The following MMP7 variants were observed in gnomAD, a reference collection of about 807,000 sequenced individuals.
The protein encoded by MMP7 is matrix metallopeptidase 7.
In MMP7, 26 loss-of-function variants were observed where a neutral mutation model predicts 31.5. The ratio of observed to expected loss-of-function variants is 0.83; its 90% CI spans 0.61 to 1.15. The LOEUF is 1.15. MMP7 is among the 50% of genes most tolerant of loss of function. MMP7 has a pLI of 0.00. For missense variants in MMP7, 367 were observed against 326.5 expected, an observed-to-expected ratio of 1.12 and a Z score of -0.96; for synonymous variants, 142 against 124.2, an observed-to-expected ratio of 1.14 and a Z score of -0.95.
intron 1 of MMP7, among the ~76,000 whole-genome samples, chr11:102,528,489 AAT>A (rs1858698684): frequency 6.6e-6 from 1 of 152,238 alleles, no homozygotes; most frequent in Non-Finnish European, 1.5e-5. Flanking sequence ...AGTTCAATTT[AAT>A]AATCCGGTGA....
chr11:102,523,219 A>G (rs765402448), intron 5 of MMP7, 21 bp downstream of exon 5: 1 of 1,551,718 alleles, frequency 6.4e-7, no homozygotes, highest in Non-Finnish European at 8.8e-7. Context: ...AAATCCTCTT[A>G]TTTGAAATAA....
At chr11:102,527,699 T>G in intron 2 of MMP7, 27 bp from the exon 3 acceptor site, 1 of 1,606,326 alleles carries the variant, frequency 6.2e-7, no homozygotes, top group Non-Finnish European at 8.5e-7. Context: ...AAACAATGTT[T>G]GACCCCTAGG....
chr11:102,528,820 C>T (rs1301447685), intron 1 of MMP7, among the ~76,000 whole-genome samples: 1 of 152,006 alleles, frequency 6.6e-6, no homozygotes, highest in Non-Finnish European at 1.5e-5. Context: ...AATGAACTAA[C>T]AACAATAGCA....
At chr11:102,524,716 A>G (rs1328404410) in intron 4 of MMP7, 1 of 331,832 alleles carries the variant, frequency 3.0e-6, no homozygotes, top group East Asian at 5.5e-5. Flanking sequence ...ACGTACAGCA[A>G]ATTGGATCAG....
intron 1 of MMP7, among the ~76,000 whole-genome samples, chr11:102,529,459 C>T (rs17880676): frequency 9.7e-4 from 148 of 152,248 alleles, no homozygotes; most frequent in African/African-American, 3.5e-3. Flanking sequence ...TTCTGCCAAC[C>T]TTCACTCTAA....
chr11:102,521,358 C>T (rs574617027), intron 5 of MMP7, among the ~76,000 whole-genome samples: 2 of 152,144 alleles, frequency 1.3e-5, no homozygotes, highest in East Asian at 1.9e-4. Flanking sequence ...CCTTCACGCC[C>T]GGCTAATTTT....
chr11:102,520,604 C>A lies in MMP7; in HGVS notation c.*172G>T, dbSNP rs1487119770. The A allele has an allele frequency of 3.2e-5, 18 of 555,726 alleles. No homozygotes were observed. The allele number at this position is 555,726 out of a possible 1,614,324, so 34.4% of individuals were successfully genotyped here. Reference sequence around the variant, plus strand: ...TATAGATGAATAAGACACAGTCACACCATAAAGGAGTTTATCCTTAAAAGG... The same window carrying A: ...TATAGATGAATAAGACACAGTCACAACATAAAGGAGTTTATCCTTAAAAGG... On this transcript the variant is annotated 3_prime_UTR_variant, in exon 6 of 6. Transcript: ENST00000260227.
chr11:102,524,996 C>T lies in MMP7; in HGVS notation c.553G>A (p.Gly185Ser). 1 of 1,614,058 alleles carries T rather than the reference C, an allele frequency of 6.2e-7. No homozygotes were observed. The highest frequency in any genetic ancestry group is 2.2e-5 in the East Asian group (1 of 44,872). ...TCGAAGTGAGCATCTCCTCCGAGAC[C>T]TGTCCCAGGCGCAAAGGCATGAGCC... is the stretch of plus-strand genomic sequence containing the variant. ...TLAHAFAPGT[G>S]LGGDAHFDED... Residue 185 changes from glycine (G) to serine (S), a missense_variant, in exon 4 of 6, where the codon GGT becomes AGT. Gly to Ser is a moderately conservative substitution (Grantham distance 56, BLOSUM62 0). Transcript: ENST00000260227.
intron 5 of MMP7, among the ~76,000 whole-genome samples, chr11:102,521,017 G>A (rs1355247971): frequency 1.3e-5 from 2 of 152,100 alleles, no homozygotes; most frequent in Non-Finnish European, 2.9e-5. Flanking sequence ...AGGTACCTTT[G>A]CATCTTGTTT....
At chr11:102,525,965 G>A (rs1178098306) in intron 3 of MMP7, among the ~76,000 whole-genome samples, 2 of 151,632 alleles carry the variant, frequency 1.3e-5, no homozygotes, top group African/African-American at 4.8e-5. Flanking sequence ...CATGATTAGT[G>A]CTTTCCCATA....
At chr11:102,527,201 C>G (rs1858681388) in intron 3 of MMP7, 2 of 322,420 alleles carry the variant, frequency 6.2e-6, no homozygotes, top group African/African-American at 2.1e-5. Context: ...ATCTCTGTCA[C>G]AGTTGCAGCC....
At chr11:102,520,928 G>A in intron 5 of MMP7, 124 bp from the exon 6 acceptor site, 1 of 635,878 alleles carries the variant, frequency 1.6e-6, no homozygotes, top group Non-Finnish European at 2.6e-6. Context: ...ACCATTTCTT[G>A]TCCCTGGGAC....
intron 3 of MMP7, 113 bp from the exon 4 acceptor site, chr11:102,525,177 A>G (rs1858656012): frequency 7.5e-7 from 1 of 1,333,258 alleles, no homozygotes; most frequent in Non-Finnish European, 1.0e-6. Flanking sequence ...AGTCCAGGCC[A>G]GGCATGGTGG....
At chr11:102,528,045 C>T (rs1858694094) in intron 1 of MMP7, 62 bp from the exon 2 acceptor site, 1 of 1,191,428 alleles carries the variant, frequency 8.4e-7, no homozygotes, top group Non-Finnish European at 1.2e-6. Flanking sequence ...ATCTTAGAAG[C>T]CTATATATCT....
intron 5 of MMP7, among the ~76,000 whole-genome samples, chr11:102,521,300 C>G (rs1858610530): frequency 6.6e-6 from 1 of 152,130 alleles, no homozygotes; most frequent in Non-Finnish European, 1.5e-5. Context: ...TGGGTTCCGG[C>G]AATTCTCATG....
Position 102,530,607 on chromosome 11 carries a change from A to G in MMP7, c.94T>C (p.Trp32Arg). ...QEAGGMSELQ[W>R]EQAQDYLKRF... ...CTGTGACATACCTGAGCCTGTTCCC[A>G]CTGTAGCTCACTCATGCCTCCCGCC... Residue 32 changes from tryptophan (W) to arginine (R), a missense_variant, in exon 1 of 6, where the codon TGG becomes CGG. Transcript: ENST00000260227. The G allele has an allele frequency of 6.2e-7, 1 of 1,613,826 alleles. No individual in the cohort carries two copies. Among genetic ancestry groups the G allele is most frequent in the Middle Eastern group, 1.7e-4 (1 of 6,060 alleles).
At chr11:102,529,160 G>A (rs1471512789) in intron 1 of MMP7, among the ~76,000 whole-genome samples, 1 of 152,170 alleles carries the variant, frequency 6.6e-6, no homozygotes, top group African/African-American at 2.4e-5. Context: ...ATGGTTACCT[G>A]TCTTAGGACC....
intron 5 of MMP7, among the ~76,000 whole-genome samples, chr11:102,522,647 C>T (rs1425975172): frequency 6.6e-6 from 1 of 152,170 alleles, no homozygotes; most frequent in African/African-American, 2.4e-5. Context: ...TCAAATACTA[C>T]TTTTGGCTGA....
chr11:102,525,042 A>G lies in MMP7; in HGVS notation c.507T>C (p.Phe169=), dbSNP rs758479371. 1.2e-6 allele frequency: 2 copies of G among 1,612,832 alleles called. No homozygotes were observed. The highest frequency in any genetic ancestry group is 2.2e-5 in the South Asian group (2 of 90,916). ...ARGAHGDSYP[F]DGPGNTLAHA... ...GAGCCAGCGTGTTTCCTGGCCCATCAAATGGGTAGGAGTCCCCATGAGCTG... is the reference window on the plus strand; with the variant it reads ...GAGCCAGCGTGTTTCCTGGCCCATCGAATGGGTAGGAGTCCCCATGAGCTG... The change falls in exon 4 of 6, where the codon TTT becomes TTC. Residue 169 remains phenylalanine, a synonymous_variant. Transcript: ENST00000260227.
Sources: gnomAD v4.1 joint callset for allele counts (sites outside exome capture counted in the v4.1 genomes callset) on GRCh38, gnomAD v4.1.1 for gene constraint, MANE v1.5 for transcripts, NCBI Gene and HGNC (gene_info 2026-07-23, HGNC 2026-07-21) for gene names.